The following AUTS2 variants were observed in gnomAD, a reference collection of about 807,000 sequenced individuals.
AUTS2 encodes the protein activator of transcription and developmental regulator AUTS2.
Under a neutral mutation model 112.4 loss-of-function variants are expected in AUTS2, and 17 were observed. That is an observed-to-expected ratio of 0.15 (90% CI 0.10 to 0.23). The LOEUF is 0.23. AUTS2 is among the 10% of genes least tolerant of loss of function. The pLI is 1.00. For synonymous variants in AUTS2, 751 were observed against 702.7 expected (o/e 1.07, Z -1.09); for missense variants, 1,510 against 1,701.6 (o/e 0.89, Z 1.98).
intron 2 of AUTS2, among the ~76,000 whole-genome samples, chr7:69,977,942 A>G (rs146635137): frequency 6.6e-6 from 1 of 152,174 alleles, no homozygotes; most frequent in African/African-American, 2.4e-5. Context: ...TATTTATTTT[A>G]TGTATAATGT....
At chr7:70,768,089 A>G in intron 10 of AUTS2, 21 bp downstream of exon 10, 1 of 1,592,756 alleles carries the variant, frequency 6.3e-7, no homozygotes, top group Non-Finnish European at 8.5e-7. Context: ...TTACCATGCT[A>G]CACATTGAAT....
At chr7:70,521,054 A>G (rs893490324) in intron 5 of AUTS2, among the ~76,000 whole-genome samples, 3 of 152,188 alleles carry the variant, frequency 2.0e-5, no homozygotes, top group Non-Finnish European at 4.4e-5. Flanking sequence ...ATCCATGTCA[A>G]CTACTTTATC....
chr7:70,001,836 GAGTA>G (rs976507802), intron 2 of AUTS2, among the ~76,000 whole-genome samples: 4 of 150,814 alleles, frequency 2.7e-5, no homozygotes, highest in Non-Finnish European at 5.9e-5. Context: ...TCAGCCTCCT[GAGTA>G]GCTGGGATTA....
intron 5 of AUTS2, among the ~76,000 whole-genome samples, chr7:70,689,242 TC>T (rs1355052621): frequency 1.3e-5 from 2 of 151,868 alleles, no homozygotes; most frequent in African/African-American, 4.8e-5. Context: ...ACACCTGTGG[TC>T]CCAGCTACTC....
intron 5 of AUTS2, among the ~76,000 whole-genome samples, chr7:70,510,892 A>C (rs1799154685): frequency 1.3e-5 from 2 of 152,110 alleles, no homozygotes; most frequent in Admixed American, 1.3e-4. Context: ...TCTGTCACCC[A>C]GGCTGGAGTG....
intron 6 of AUTS2, among the ~76,000 whole-genome samples, chr7:70,707,182 G>A (rs1809783500): frequency 6.6e-6 from 1 of 152,226 alleles, no homozygotes; most frequent in Non-Finnish European, 1.5e-5. Flanking sequence ...AATCTTCACA[G>A]CAGCTCTTAA....
At chr7:69,920,705 T>G (rs1239870612) in intron 2 of AUTS2, among the ~76,000 whole-genome samples, 1 of 152,186 alleles carries the variant, frequency 6.6e-6, no homozygotes, top group Non-Finnish European at 1.5e-5. Flanking sequence ...GATACAGTAT[T>G]TTCTTCCTAG....
At chr7:70,618,204 G>A (rs1027553261) in intron 5 of AUTS2, among the ~76,000 whole-genome samples, 4 of 152,184 alleles carry the variant, frequency 2.6e-5, no homozygotes, top group African/African-American at 9.7e-5. Context: ...TGACTGCTGC[G>A]CTGGTCCCGT....
chr7:69,976,497 A>G (rs1040887413), intron 2 of AUTS2, among the ~76,000 whole-genome samples: 1 of 152,092 alleles, frequency 6.6e-6, no homozygotes, highest in Non-Finnish European at 1.5e-5. Context: ...TAGAAGTGGG[A>G]TTGTTGGATC....
chr7:70,100,132 C>T (rs549819040), intron 2 of AUTS2, among the ~76,000 whole-genome samples: 1 of 152,266 alleles, frequency 6.6e-6, no homozygotes, highest in East Asian at 1.9e-4. Flanking sequence ...CTTCAGTATT[C>T]CAGAAATAAT....
intron 6 of AUTS2, among the ~76,000 whole-genome samples, chr7:70,725,906 C>T (rs1307016921): frequency 6.6e-6 from 1 of 151,668 alleles, no homozygotes; most frequent in East Asian, 1.9e-4. Flanking sequence ...CCTGTAGTCC[C>T]AGCTACTCGG....
intron 4 of AUTS2, among the ~76,000 whole-genome samples, chr7:70,139,966 A>C (rs1249189270): frequency 6.6e-6 from 1 of 152,132 alleles, no homozygotes; most frequent in Non-Finnish European, 1.5e-5. Context: ...GCGCCATTGC[A>C]CTCCAGCCTG....
At chr7:70,144,347 A>G (rs1183904591) in intron 4 of AUTS2, among the ~76,000 whole-genome samples, 1 of 152,124 alleles carries the variant, frequency 6.6e-6, no homozygotes, top group Non-Finnish European at 1.5e-5. Context: ...TTTTAAAATA[A>G]CTTTGCAATA....
At chr7:70,758,099 G>T (rs1039932233) in intron 6 of AUTS2, among the ~76,000 whole-genome samples, 9 of 152,056 alleles carry the variant, frequency 5.9e-5, no homozygotes, top group African/African-American at 2.2e-4. Flanking sequence ...TTCTTTGTAC[G>T]TAAAATAAGA....
intron 2 of AUTS2, among the ~76,000 whole-genome samples, chr7:69,951,700 T>C (rs1797033858): frequency 6.6e-6 from 1 of 152,054 alleles, no homozygotes; most frequent in African/African-American, 2.4e-5. Context: ...GGCAGCTGGG[T>C]TTTTCATTGT....
rs1797643980 is a variant in AUTS2, at chr7:69,966,582, T to TCCAAA, written c.522+67084_522+67085insCCAAA. Reference sequence around the variant, plus strand: ...CAAATGGGTCTTAATTATTTTGTATTTGGGAAATATTTTTTACTTGGCAAT... The same window carrying TCCAAA: ...CAAATGGGTCTTAATTATTTTGTATTCCAAATGGGAAATATTTTTTACTTGGCAAT... On this transcript the variant is annotated intron_variant, in intron 2 of 18. Coordinates refer to ENST00000342771, the MANE Select transcript of AUTS2 (RefSeq NM_015570.4). Among the ~76,000 whole-genome samples the TCCAAA allele has an allele frequency of 2.0e-5, 3 of 152,184 alleles. No individual in the cohort carries two copies. In the South Asian group the frequency reaches 6.2e-4, roughly 32 times the overall value.
intron 2 of AUTS2, among the ~76,000 whole-genome samples, chr7:69,914,723 A>C (rs891871888): frequency 2.6e-5 from 4 of 151,622 alleles, no homozygotes; most frequent in African/African-American, 9.7e-5. Flanking sequence ...GGTGGGAGTG[A>C]GGTGAAATTC....
At chr7:70,131,323 T>C (rs1040606200) in intron 3 of AUTS2, among the ~76,000 whole-genome samples, 1 of 152,062 alleles carries the variant, frequency 6.6e-6, no homozygotes, top group Admixed American at 6.5e-5. Flanking sequence ...ATCGCATGCC[T>C]GTAGTCCAGC....
intron 5 of AUTS2, among the ~76,000 whole-genome samples, chr7:70,672,953 C>T (rs1297725983): frequency 2.0e-5 from 3 of 152,258 alleles, no homozygotes; most frequent in African/African-American, 4.8e-5. Flanking sequence ...CAAAACAACC[C>T]TACTACAGCA....
Sources: allele counts gnomAD v4.1 joint callset (sites outside exome capture counted in the v4.1 genomes callset), GRCh38; gene constraint gnomAD v4.1.1; transcripts MANE v1.5; gene names NCBI Gene and HGNC (gene_info 2026-07-23, HGNC 2026-07-21).